Variants in PRKAA1 observed in about 807,000 individuals in gnomAD.
PRKAA1 encodes 5'-AMP-activated protein kinase catalytic subunit alpha-1.
A neutral mutation model predicts 56.9 loss-of-function variants in PRKAA1; 23 were observed. The ratio of observed to expected loss-of-function variants is 0.40; its 90% CI spans 0.29 to 0.57. The LOEUF is 0.57. Ranked by LOEUF, PRKAA1 falls within the 20% of genes least tolerant of loss-of-function variation. The pLI is 0.39. For missense variants in PRKAA1, 413 were observed against 679.7 expected, an observed-to-expected ratio of 0.61 and a Z score of 4.36; for synonymous variants, 226 against 227.0, an observed-to-expected ratio of 1.00 and a Z score of 0.04.
chr5:40,798,136 G>C lies in PRKAA1; in HGVS notation c.54C>G (p.His18Gln), dbSNP rs766987004. Residue 18 changes from histidine to glutamine, a missense_variant, in exon 1 of 9, where the codon CAC becomes CAG. His to Gln is a conservative substitution (Grantham distance 24, BLOSUM62 0). Around this residue, in one of 9 missense-constraint regions of PRKAA1, gnomAD observed 61 missense variants for 73.1 expected, o/e 0.83. Coordinates refer to ENST00000397128, the MANE Select transcript of PRKAA1 (RefSeq NM_006251.6). ...AGTGGCCGATCTTCACCCGCCCGTC[G>C]TGTTTCTGCTTCTCGGCTGTCGCCA... ...RKMATAEKQK[H>Q]DGRVKIGHYI... 13 of 1,600,188 alleles carry C rather than the reference G, an allele frequency of 8.1e-6. No homozygotes were observed. The highest frequency in any genetic ancestry group is 1.1e-5 in the Non-Finnish European group (13 of 1,171,946).
chr5:40,798,349 G>A lies in PRKAA1; in HGVS notation c.-160C>T, dbSNP rs10035226. 0.029 allele frequency: 9,676 copies of A among 335,966 alleles called. 358 individuals are homozygous for A. The highest frequency in any genetic ancestry group is 0.11 in the East Asian group (2,102 of 19,548). The allele number at this position is 335,966 out of a possible 1,614,324, so 20.8% of individuals were successfully genotyped here. On this transcript the variant is annotated 5_prime_UTR_variant, in exon 1 of 9. Coordinates refer to ENST00000397128, the MANE Select transcript of PRKAA1 (RefSeq NM_006251.6). ...TCGGGCGCAGACGCTCCCCCTGGCGGGGCGGGCGGGGGCTGCCAGGAGAAT... is the reference window on the plus strand; with the variant it reads ...TCGGGCGCAGACGCTCCCCCTGGCGAGGCGGGCGGGGGCTGCCAGGAGAAT...
chr5:40,780,150 G>C (rs1579740634), intron 1 of PRKAA1, among the ~76,000 whole-genome samples: 1 of 152,264 alleles, frequency 6.6e-6, no homozygotes, highest in African/African-American at 2.4e-5. Context: ...TAAATATTTT[G>C]TAAGTATATG....
chr5:40,785,361 T>C (rs1303399080), intron 1 of PRKAA1, among the ~76,000 whole-genome samples: 1 of 152,128 alleles, frequency 6.6e-6, no homozygotes, highest in Non-Finnish European at 1.5e-5. Flanking sequence ...TACCTCAGCC[T>C]CCCAAGTAGC....
intron 1 of PRKAA1, among the ~76,000 whole-genome samples, chr5:40,796,605 CA>C (rs1388930835): frequency 6.6e-6 from 1 of 152,142 alleles, no homozygotes; most frequent in Non-Finnish European, 1.5e-5. Flanking sequence ...CCAATTCTGG[CA>C]TTTGCTTCTT....
At chr5:40,782,002 C>T (rs896509739) in intron 1 of PRKAA1, among the ~76,000 whole-genome samples, 1 of 152,162 alleles carries the variant, frequency 6.6e-6, no homozygotes, top group African/African-American at 2.4e-5. Flanking sequence ...ATGTTGAAAC[C>T]TAAGCATGGT....
At chr5:40,770,595 CTTTTTTTT>C (rs750590564) in intron 4 of PRKAA1, among the ~76,000 whole-genome samples, 8 of 111,868 alleles carry the variant, frequency 7.2e-5, no homozygotes, top group African/African-American at 2.5e-4. Flanking sequence ...AAAATAAATT[CTTTTTTTT>C]TTTTTTTTTT....
At chr5:40,791,613 T>C (rs1339237622) in intron 1 of PRKAA1, among the ~76,000 whole-genome samples, 4 of 152,228 alleles carry the variant, frequency 2.6e-5, no homozygotes, top group Admixed American at 2.6e-4. Flanking sequence ...AAAGATATTC[T>C]AGACACCTAA....
At chr5:40,792,092 C>G (rs745531705) in intron 1 of PRKAA1, among the ~76,000 whole-genome samples, 43 of 152,236 alleles carry the variant, frequency 2.8e-4, no homozygotes, top group Non-Finnish European at 5.6e-4. Context: ...GTCCCCTATA[C>G]TGAGCAACTA....
At position 40,794,115 on chromosome 5, in the gene PRKAA1, A is replaced by G. The variant is rs542665884; in HGVS notation, c.127+3948T>C. ...AAAACTGTCTCCAAAAAAAAAAAAAAGTGTTCCCTGTTCACCACATGCACA... is the reference window on the plus strand; with the variant it reads ...AAAACTGTCTCCAAAAAAAAAAAAAGGTGTTCCCTGTTCACCACATGCACA... On this transcript the variant is annotated intron_variant, in intron 1 of 8. Coordinates refer to ENST00000397128, the MANE Select transcript of PRKAA1 (RefSeq NM_006251.6). Among the ~76,000 whole-genome samples, 10 of 151,552 alleles carry G rather than the reference A, an allele frequency of 6.6e-5. No homozygotes were observed. The South Asian group carries it at 2.1e-3, about 32-fold the overall frequency.
At chr5:40,779,995 G>A (rs556923771) in intron 1 of PRKAA1, among the ~76,000 whole-genome samples, 1 of 152,094 alleles carries the variant, frequency 6.6e-6, no homozygotes, top group African/African-American at 2.4e-5. Flanking sequence ...ACATAGCATA[G>A]CAAATTGGCA....
chr5:40,784,165 G>C (rs1484401085), intron 1 of PRKAA1, among the ~76,000 whole-genome samples: 1 of 152,132 alleles, frequency 6.6e-6, no homozygotes, highest in Non-Finnish European at 1.5e-5. Context: ...TCCCAGACCT[G>C]TTCCCCCATC....
chr5:40,796,040 G>A (rs974571097), intron 1 of PRKAA1, among the ~76,000 whole-genome samples: 1 of 152,218 alleles, frequency 6.6e-6, no homozygotes, highest in Non-Finnish European at 1.5e-5. Context: ...GACCTGGCCG[G>A]GCACAGTGGC....
chr5:40,769,894 A>AC (rs1042875824), intron 4 of PRKAA1, among the ~76,000 whole-genome samples: 25 of 150,946 alleles, frequency 1.7e-4, no homozygotes, highest in African/African-American at 5.6e-4. Flanking sequence ...AAAAAAAAAA[A>AC]AAAAAAACAG....
At chr5:40,794,663 A>G (rs1016080497) in intron 1 of PRKAA1, among the ~76,000 whole-genome samples, 2 of 126,166 alleles carry the variant, frequency 1.6e-5, no homozygotes, top group Non-Finnish European at 3.7e-5. Context: ...TGATTTTTAT[A>G]TAAGGTTGAG....
intron 1 of PRKAA1, among the ~76,000 whole-genome samples, chr5:40,794,150 A>G (rs1295630096): frequency 6.6e-6 from 1 of 151,548 alleles, no homozygotes; most frequent in Non-Finnish European, 1.5e-5. Context: ...ACTAAAATCT[A>G]TCTACTGCTT....
intron 3 of PRKAA1, 51 bp from the exon 4 acceptor site, chr5:40,771,914 G>A (rs762434318): frequency 1.3e-6 from 2 of 1,572,442 alleles, no homozygotes; most frequent in Admixed American, 3.9e-5. Flanking sequence ...AAAGTAAATT[G>A]TCCTATCTAT....
rs79292371 is a variant in PRKAA1 at position 40,761,615 on chromosome 5, G to A, written c.*1163C>T. The A allele has an allele frequency of 6.6e-6, 1 of 152,074 alleles. No individual in the cohort carries two copies. Among genetic ancestry groups the A allele is most frequent in the Non-Finnish European group, 1.5e-5 (1 of 68,000 alleles). The allele number at this position is 152,074 out of a possible 1,614,324, so 9.4% of individuals were successfully genotyped here. A position where few individuals can be genotyped will look rare whatever the true frequency, so the allele number is the denominator to read the frequency against. On this transcript the variant is annotated 3_prime_UTR_variant, in exon 9 of 9. Transcript: ENST00000397128. ...AATGTTCATAATAAAATTTGGGGGG[G>A]AAGTCATATCAGAGCACTTAAAGTT... is the stretch of plus-strand genomic sequence containing the variant.
intron 2 of PRKAA1, among the ~76,000 whole-genome samples, 183 bp from the exon 3 acceptor site, chr5:40,775,686 A>G (rs1233952628): frequency 6.6e-6 from 1 of 152,252 alleles, no homozygotes; most frequent in Non-Finnish European, 1.5e-5. Context: ...ACACTAAATA[A>G]ATAAGCAATA....
chr5:40,767,687 C>A lies in PRKAA1; in HGVS notation c.600G>T (p.Leu200Phe). The A allele has an allele frequency of 1.3e-6, 2 of 1,592,200 alleles. No homozygotes were observed. The highest frequency in any genetic ancestry group is 2.2e-5 in the South Asian group (2 of 89,464). Residue 200 changes from leucine (L) to phenylalanine (F), a missense_variant, in exon 6 of 9, where the codon TTG becomes TTT. Around this residue, in one of 9 missense-constraint regions of PRKAA1, gnomAD observed 113 missense variants for 198.6 expected, o/e 0.57. Coordinates refer to ENST00000397128, the MANE Select transcript of PRKAA1 (RefSeq NM_006251.6). ...ATATATCTACCTCTGGGCCTGCATA[C>A]AATCTGTAACAGGAAATAACAATTG... The part of the protein sequence containing the change: ...YAAPEVISGR[L>F]YAGPEVDIWS...
Sources: gnomAD v4.1 joint callset for allele counts (sites outside exome capture counted in the v4.1 genomes callset) on GRCh38, gnomAD v4.1.1 for gene constraint, gnomAD v4.1.1 regional missense constraint, MANE v1.5 for transcripts, NCBI Gene and HGNC (gene_info 2026-07-23, HGNC 2026-07-21) for gene names.